DPYD: variants seen among roughly 807,000 people sequenced by gnomAD.
DPYD encodes dihydropyrimidine dehydrogenase [NADP(+)].
DPYD carries 109 observed loss-of-function variants against 116.2 expected under a neutral mutation model. The observed-to-expected ratio is 0.94, with a 90% confidence interval of 0.80 to 1.10. DPYD has a LOEUF of 1.10. Ranked by LOEUF, DPYD falls within the 50% of genes least tolerant of loss-of-function variation. The pLI, the probability that DPYD is intolerant of heterozygous loss-of-function variation, is 0.00. For missense variants in DPYD, 1,302 were observed against 1,254.5 expected (o/e 1.04, Z -0.57); for synonymous variants, 440 against 432.0 (o/e 1.02, Z -0.23).
chr1:97,157,566 C>T (rs1469052851), intron 20 of DPYD, among the ~76,000 whole-genome samples: 2 of 152,078 alleles, frequency 1.3e-5, no homozygotes, highest in African/African-American at 4.8e-5. Context: ...CAACAAAGTC[C>T]TTCTCATTTC....
At chr1:97,649,859 A>G (rs1364631262) in intron 8 of DPYD, among the ~76,000 whole-genome samples, 3 of 152,122 alleles carry the variant, frequency 2.0e-5, no homozygotes, top group African/African-American at 7.2e-5. Flanking sequence ...TAGTTGGCAA[A>G]GATTTGTATG....
chr1:97,222,730 C>T (rs1343443381), intron 19 of DPYD, among the ~76,000 whole-genome samples: 2 of 151,946 alleles, frequency 1.3e-5, no homozygotes, highest in African/African-American at 4.8e-5. Context: ...AAAATATCTA[C>T]TTACATATTA....
intron 12 of DPYD, among the ~76,000 whole-genome samples, chr1:97,542,212 T>C (rs749951961): frequency 3.9e-5 from 6 of 152,318 alleles, no homozygotes; most frequent in Non-Finnish European, 7.3e-5. Context: ...ATAATCTCTA[T>C]ATTCAGAGCT....
chr1:97,475,561 C>T (rs1427617811), intron 13 of DPYD, among the ~76,000 whole-genome samples: 2 of 152,176 alleles, frequency 1.3e-5, no homozygotes, highest in Non-Finnish European at 2.9e-5. Flanking sequence ...GTGGCCTTTC[C>T]TCTAGCCCTG....
At chr1:97,529,993 C>A (rs1011076563) in intron 12 of DPYD, among the ~76,000 whole-genome samples, 2 of 150,996 alleles carry the variant, frequency 1.3e-5, no homozygotes, top group Non-Finnish European at 3.0e-5. Flanking sequence ...CCCTCTCACC[C>A]ATCTCCTGGA....
At chr1:97,589,189 T>G (rs1053394983) in intron 10 of DPYD, among the ~76,000 whole-genome samples, 1 of 152,252 alleles carries the variant, frequency 6.6e-6, no homozygotes, top group African/African-American at 2.4e-5. Context: ...CTCCTACTTT[T>G]GTGGATTAAA....
chr1:97,763,362 C>T (rs1208288424), intron 3 of DPYD, among the ~76,000 whole-genome samples: 1 of 151,880 alleles, frequency 6.6e-6, no homozygotes, highest in Admixed American at 6.6e-5. Flanking sequence ...TACATGCAAC[C>T]AATGTTTTTT....
intron 2 of DPYD, among the ~76,000 whole-genome samples, chr1:97,872,283 C>A (rs1671694055): frequency 1.3e-5 from 2 of 151,790 alleles, no homozygotes; most frequent in Admixed American, 6.6e-5. Context: ...TCAGTTTAAA[C>A]CCTGAGTAGA....
At chr1:97,882,397 A>C (rs1031611136) in intron 2 of DPYD, among the ~76,000 whole-genome samples, 5 of 151,984 alleles carry the variant, frequency 3.3e-5, no homozygotes, top group Non-Finnish European at 5.9e-5. Flanking sequence ...TCCATCCTCA[A>C]AGAGTTCATA....
chr1:97,877,289 A>C (rs1671971983), intron 2 of DPYD, among the ~76,000 whole-genome samples: 1 of 152,108 alleles, frequency 6.6e-6, no homozygotes, highest in East Asian at 1.9e-4. Flanking sequence ...ATGAAAAATC[A>C]GCTGGGCTTA....
intron 18 of DPYD, among the ~76,000 whole-genome samples, chr1:97,301,393 A>G (rs1666854385): frequency 6.6e-6 from 1 of 152,054 alleles, no homozygotes; most frequent in African/African-American, 2.4e-5. Flanking sequence ...AAAATAGAAC[A>G]AATTTGGCAA....
At chr1:97,314,318 T>C (rs539063653) in intron 16 of DPYD, among the ~76,000 whole-genome samples, 39 of 151,954 alleles carry the variant, frequency 2.6e-4, no homozygotes, top group Middle Eastern at 6.8e-3. Context: ...CTGTCCATAT[T>C]TTTATCAGCT....
intron 20 of DPYD, among the ~76,000 whole-genome samples, chr1:97,186,936 C>T (rs552474090): frequency 1.3e-5 from 2 of 152,052 alleles, no homozygotes; most frequent in Non-Finnish European, 2.9e-5. Context: ...TGATTTCATT[C>T]TTTTTTTATG....
At chr1:97,094,311 G>T (rs1325110921) in intron 21 of DPYD, among the ~76,000 whole-genome samples, 1 of 152,046 alleles carries the variant, frequency 6.6e-6, no homozygotes, top group African/African-American at 2.4e-5. Context: ...ATTTTTAAAA[G>T]ACTCCTTCAT....
intron 3 of DPYD, among the ~76,000 whole-genome samples, chr1:97,778,225 G>GGAGAGA (rs1666536793): frequency 7.0e-6 from 1 of 142,686 alleles, no homozygotes; most frequent in Non-Finnish European, 1.5e-5. Context: ...AGAGAGGGAG[G>GGAGAGA]GAGGGAGGGA....
intron 8 of DPYD, among the ~76,000 whole-genome samples, chr1:97,631,331 T>G (rs1438112763): frequency 1.3e-4 from 20 of 152,100 alleles, no homozygotes. Flanking sequence ...CATAGTTTAT[T>G]TTCTCTTGTC....
At chr1:97,354,178 G>A (rs1407471070) in intron 16 of DPYD, among the ~76,000 whole-genome samples, 1 of 152,176 alleles carries the variant, frequency 6.6e-6, no homozygotes, top group Non-Finnish European at 1.5e-5. Context: ...GGGACATTAG[G>A]GCATTTGTAA....
intron 14 of DPYD, among the ~76,000 whole-genome samples, chr1:97,422,460 A>AC (rs1674641361): frequency 1.3e-5 from 2 of 152,156 alleles, no homozygotes; most frequent in South Asian, 4.1e-4. Context: ...TAGTAGACTG[A>AC]CCTAGGAGAA....
In DPYD at chr1:97,796,005, A is replaced by C. The variant is rs528260640; in HGVS notation, c.233+32109T>G. Among the ~76,000 whole-genome samples the C allele has an allele frequency of 1.6e-3, 241 of 152,194 alleles. 1 individual carries two copies. Among genetic ancestry groups the C allele is most frequent in the African/African-American group, 5.7e-3 (235 of 41,572 alleles). On this transcript the variant is annotated intron_variant, in intron 3 of 22. Coordinates refer to ENST00000370192, the MANE Select transcript of DPYD (RefSeq NM_000110.4). ...ATTAAAATATAACAATGATGGTAATAGCTTAAAACTTGTATTGTACAGCTG... is the reference window on the plus strand; with the variant it reads ...ATTAAAATATAACAATGATGGTAATCGCTTAAAACTTGTATTGTACAGCTG...
Sources: allele counts gnomAD v4.1 joint callset (sites outside exome capture counted in the v4.1 genomes callset), GRCh38; gene constraint gnomAD v4.1.1; transcripts MANE v1.5; gene names NCBI Gene and HGNC (gene_info 2026-07-23, HGNC 2026-07-21).